The following DTHD1 variants were observed in gnomAD, a reference collection of about 807,000 sequenced individuals.
DTHD1 encodes death domain-containing protein 1.
DTHD1 carries 59 observed loss-of-function variants against 74.8 expected under a neutral mutation model. The observed-to-expected ratio is 0.79, with a 90% confidence interval of 0.64 to 0.98. DTHD1 has a LOEUF of 0.98. DTHD1 is among the 50% of genes least tolerant of loss of function. The probability of loss-of-function intolerance (pLI) is 0.00; values close to 1 mark genes in which losing one functional copy is unlikely to be tolerated. For missense variants in DTHD1, 1,051 were observed against 1,065.4 expected, an observed-to-expected ratio of 0.99 and a Z score of 0.19; for synonymous variants, 365 against 371.1, an observed-to-expected ratio of 0.98 and a Z score of 0.19.
intron 7 of DTHD1, chr4:36,311,910 A>G (rs1757432958): frequency 6.6e-6 from 1 of 152,230 alleles, no homozygotes; most frequent in African/African-American, 2.4e-5. Context: ...ATAAATTTAG[A>G]TTACTGCCTT....
chr4:36,293,270 T>TG (rs35285856), intron 3 of DTHD1, among the ~76,000 whole-genome samples: 45,452 of 152,142 alleles, frequency 0.3, 7,148 homozygotes, highest in African/African-American at 0.38. Context: ...CACACAATTT[T>TG]GGGGAAGATT....
At chr4:36,288,461 T>C (rs924569034) in intron 2 of DTHD1, among the ~76,000 whole-genome samples, 10 of 152,228 alleles carry the variant, frequency 6.6e-5, no homozygotes, top group African/African-American at 9.6e-5. Flanking sequence ...CAGGCCTTGA[T>C]ACATCTTGAG....
At chr4:36,301,644 T>C (rs1363677984) in intron 5 of DTHD1, among the ~76,000 whole-genome samples, 1 of 152,210 alleles carries the variant, frequency 6.6e-6, no homozygotes, top group Admixed American at 6.5e-5. Flanking sequence ...TGGATTTGGG[T>C]TTCTGTTACC....
intron 8 of DTHD1, among the ~76,000 whole-genome samples, chr4:36,335,155 A>C (rs1758935626): frequency 6.6e-6 from 1 of 152,220 alleles, no homozygotes; most frequent in African/African-American, 2.4e-5. Flanking sequence ...AGTTCCTTGA[A>C]AATATGGCAG....
chr4:36,286,252 T>A (rs1267345398), intron 2 of DTHD1, among the ~76,000 whole-genome samples: 1 of 152,198 alleles, frequency 6.6e-6, no homozygotes, highest in Non-Finnish European at 1.5e-5. Context: ...AAGCTCCATA[T>A]TCTCACATTC....
intron 3 of DTHD1, among the ~76,000 whole-genome samples, chr4:36,291,582 G>A (rs1221397891): frequency 1.3e-5 from 2 of 152,124 alleles, no homozygotes; most frequent in African/African-American, 4.8e-5. Context: ...TAATCTCAGC[G>A]CTTTGGGAGG....
chr4:36,288,073 G>A (rs985058141), intron 2 of DTHD1, among the ~76,000 whole-genome samples: 3 of 151,980 alleles, frequency 2.0e-5, no homozygotes, highest in Admixed American at 1.3e-4. Flanking sequence ...TGTCTAGAAA[G>A]GTTTTTCTGA....
intron 3 of DTHD1, 121 bp downstream of exon 3, chr4:36,290,824 G>A: frequency 1.2e-6 from 1 of 818,172 alleles, no homozygotes; most frequent in East Asian, 2.7e-5. Context: ...AAGGACTTTT[G>A]AATTTGTGCC....
At chr4:36,341,702 T>C (rs1396010478) in intron 9 of DTHD1, among the ~76,000 whole-genome samples, 1 of 152,146 alleles carries the variant, frequency 6.6e-6, no homozygotes, top group Non-Finnish European at 1.5e-5. Context: ...AAGATTCAGA[T>C]TGACAAACTG....
chr4:36,301,461 T>A (rs1452910535), intron 5 of DTHD1, among the ~76,000 whole-genome samples: 3 of 151,830 alleles, frequency 2.0e-5, no homozygotes, highest in Non-Finnish European at 4.4e-5. Context: ...GGAAAAAAAA[T>A]GATCATTAAT....
intron 3 of DTHD1, among the ~76,000 whole-genome samples, chr4:36,292,189 C>A (rs181306637): frequency 6.6e-6 from 1 of 152,256 alleles, no homozygotes; most frequent in African/African-American, 2.4e-5. Context: ...TTGCCCTTGA[C>A]TGGGGCTCTT....
intron 5 of DTHD1, among the ~76,000 whole-genome samples, chr4:36,297,753 C>T (rs369185985): frequency 2.2e-4 from 34 of 152,168 alleles, no homozygotes; most frequent in Middle Eastern, 3.4e-3. Flanking sequence ...GCCCCTGGCA[C>T]GTGTGCATGG....
intron 8 of DTHD1, among the ~76,000 whole-genome samples, chr4:36,326,428 C>A (rs986939788): frequency 1.2e-4 from 18 of 148,014 alleles, no homozygotes; most frequent in Non-Finnish European, 2.4e-4. Context: ...AAAAAAAAAA[C>A]CTTAAATAAA....
chr4:36,301,532 C>T (rs1456338514), intron 5 of DTHD1, among the ~76,000 whole-genome samples: 2 of 152,054 alleles, frequency 1.3e-5, no homozygotes, highest in Non-Finnish European at 2.9e-5. Flanking sequence ...GATGATGTTC[C>T]AATTTGAGAC....
At chr4:36,311,445 A>G (rs911928219) in intron 7 of DTHD1, 3 of 152,134 alleles carry the variant, frequency 2.0e-5, no homozygotes, top group African/African-American at 7.3e-5. Flanking sequence ...CTCTGCCTGG[A>G]GGGTTCTCCT....
chr4:36,343,744 C>T lies in DTHD1; in HGVS notation c.2641C>T (p.Leu881Phe). 3 of 1,551,510 alleles carry T rather than the reference C, an allele frequency of 1.9e-6. No homozygotes were observed. The highest frequency in any genetic ancestry group is 2.6e-6 in the Non-Finnish European group (3 of 1,146,894). The change falls in exon 10 of 10, where the codon CTT becomes TTT. Residue 881 changes from leucine (L) to phenylalanine (F), a missense_variant. Transcript: ENST00000639862. ...RHLRKIGRSDLAEELKFKWEN... is the reference protein window; with the variant it reads ...RHLRKIGRSDFAEELKFKWEN... ...TCTCCGCAAGATTGGCAGGAGTGAT[C>T]TTGCAGAAGAGCTCAAATTCAAGTG...
chr4:36,315,281 A>T (rs1757647023), intron 7 of DTHD1, among the ~76,000 whole-genome samples: 2 of 152,372 alleles, frequency 1.3e-5, no homozygotes, highest in East Asian at 3.9e-4. Context: ...AGGAGTTGAT[A>T]AAACATTTAT....
chr4:36,284,815 G>A (rs1436212512), intron 2 of DTHD1, among the ~76,000 whole-genome samples: 1 of 152,140 alleles, frequency 6.6e-6, no homozygotes, highest in Non-Finnish European at 1.5e-5. Flanking sequence ...GTTCATAGAA[G>A]GTGCCTTCTT....
At chr4:36,331,411 A>G (rs1304938843) in intron 8 of DTHD1, among the ~76,000 whole-genome samples, 2 of 152,200 alleles carry the variant, frequency 1.3e-5, no homozygotes, top group African/African-American at 4.8e-5. Context: ...AATACCAAGT[A>G]CAGTAAGCAG....
Sources: gnomAD v4.1 joint callset for allele counts (sites outside exome capture counted in the v4.1 genomes callset) on GRCh38, gnomAD v4.1.1 for gene constraint, MANE v1.5 for transcripts, NCBI Gene and HGNC (gene_info 2026-07-23, HGNC 2026-07-21) for gene names.